The following PITPNM3 variants were observed in gnomAD, a reference collection of about 807,000 sequenced individuals.
PITPNM3 encodes membrane-associated phosphatidylinositol transfer protein 3.
PITPNM3 carries 26 observed loss-of-function variants against 102.0 expected under a neutral mutation model. The ratio of observed to expected loss-of-function variants is 0.25; its 90% confidence interval spans 0.19 to 0.35. The LOEUF (loss-of-function observed/expected upper bound fraction) is 0.35, where lower values mean the gene tolerates loss of function less well. PITPNM3 is among the 10% of genes least tolerant of loss of function. The pLI is 1.00. For synonymous variants in PITPNM3, 578 were observed against 558.6 expected (o/e 1.03, Z -0.49); for missense variants, 1,083 against 1,346.1 (o/e 0.80, Z 3.06).
In PITPNM3 at chr17:6,478,413, T is replaced by G. The variant is rs551682086; in HGVS notation, c.777+134A>C. ...TAAAATGAGGGCTAACTCAGAGATC[T>G]CAAAAGCCACCTTTGGGCTCAGAGG... On this transcript the variant is annotated intron_variant, in intron 7 of 19. Transcript: ENST00000262483. The surrounding 1 kb of genome is among the most constrained non-coding windows in gnomAD (Gnocchi z 4.4). 3.3e-6 allele frequency: 4 copies of G among 1,211,778 alleles called. No individual in the cohort carries two copies. The South Asian group carries it at 5.2e-5, about 16-fold the overall frequency. 75.1% of individuals were successfully genotyped at this position (1,211,778 alleles called of 1,614,324 possible). A position where few individuals can be genotyped will look rare whatever the true frequency, so the allele number is the denominator to read the frequency against.
rs1357125682 is a variant in PITPNM3 at position 6,461,492 on chromosome 17, G to A, written c.2371C>T (p.Arg791Trp). The A allele has an allele frequency of 2.5e-6, 4 of 1,614,094 alleles. No homozygotes were observed. The highest frequency in any genetic ancestry group is 1.3e-5 in the African/African-American group (1 of 74,936). The change falls in exon 18 of 20, where the codon CGG becomes TGG. Residue 791 changes from arginine (R) to tryptophan (W), a missense_variant. By Grantham distance (101) the Arg-to-Trp change is moderately radical. Coordinates refer to ENST00000262483, the MANE Select transcript of PITPNM3 (RefSeq NM_031220.4). ...ITGRPDMQKQ[R>W]VVSWLSQHNF... ...TGCTGGGACAGCCACGACACCACCC[G>A]CTGCTTCTGCATGTCCGGCCGTCCC...
chr17:6,514,847 C>T (rs949960634), intron 3 of PITPNM3, among the ~76,000 whole-genome samples: 5 of 152,214 alleles, frequency 3.3e-5, no homozygotes, highest in Non-Finnish European at 4.4e-5. Context: ...GTAGAAACAA[C>T]TCACATGTCC....
intron 18 of PITPNM3, 138 bp downstream of exon 18, chr17:6,461,235 G>T (rs982327056): frequency 4.7e-6 from 5 of 1,052,782 alleles, no homozygotes; most frequent in Non-Finnish European, 7.1e-6. Flanking sequence ...CTGCTAGAGG[G>T]CCCATCCAGA....
chr17:6,487,362 G>A (rs1216155543), intron 4 of PITPNM3, among the ~76,000 whole-genome samples: 2 of 152,172 alleles, frequency 1.3e-5, no homozygotes, highest in South Asian at 2.1e-4. Context: ...AACACAGGAA[G>A]TGTCACATGG....
chr17:6,492,922 A>C (rs1273449698), intron 4 of PITPNM3, among the ~76,000 whole-genome samples: 1 of 152,044 alleles, frequency 6.6e-6, no homozygotes, highest in Admixed American at 6.5e-5. Context: ...AAAAAAAAAA[A>C]CAATGAACTC....
At position 6,453,155 on chromosome 17, in the gene PITPNM3, TTCTC is replaced by T. The variant is rs1913943709; in HGVS notation, c.*2179_*2182del. On this transcript the variant is annotated 3_prime_UTR_variant, in exon 20 of 20. Transcript: ENST00000262483. ...TCTCTCTCTCTCTCCCTCTCTCTCT[TTCTC>T]TCTCCCTCTCCCTCTCTCGCCTAGC... 6.9e-6 allele frequency: 1 copy of T among 144,640 alleles called. No homozygotes were observed. The highest frequency in any genetic ancestry group is 2.1e-4 in the South Asian group (1 of 4,686). The allele number at this position is 144,640 out of a possible 1,614,324, so 9.0% of individuals were successfully genotyped here.
intron 15 of PITPNM3, 33 bp downstream of exon 15, chr17:6,464,622 G>A: frequency 6.3e-7 from 1 of 1,580,960 alleles, no homozygotes; most frequent in Non-Finnish European, 8.7e-7. Context: ...TGCAGGTGGA[G>A]TGGCTGAGGA....
At position 6,478,464 on chromosome 17, in the gene PITPNM3, G is replaced by A; in HGVS notation, c.777+83C>T. On this transcript the variant is annotated intron_variant, in intron 7 of 19. Transcript: ENST00000262483. This position sits in a 1 kb window ranked among gnomAD's most constrained non-coding sequence, Gnocchi z 4.4. ...CTGATTCGAGAACAGCCTGGCCTTG[G>A]CCCTTTCAGTAGATTCCAGCCTCTC... 6.5e-7 allele frequency: 1 copy of A among 1,535,514 alleles called. No individual in the cohort carries two copies. Among genetic ancestry groups the A allele is most frequent in the Non-Finnish European group, 8.9e-7 (1 of 1,117,632 alleles).
At chr17:6,532,269 C>A (rs1443591653) in intron 2 of PITPNM3, among the ~76,000 whole-genome samples, 1 of 152,120 alleles carries the variant, frequency 6.6e-6, no homozygotes, top group Non-Finnish European at 1.5e-5. Flanking sequence ...AGCAGCCATC[C>A]ACTCTATCAT....
chr17:6,476,859 C>T (rs772167617), intron 9 of PITPNM3, among the ~76,000 whole-genome samples, 170 bp downstream of exon 9: 26 of 152,200 alleles, frequency 1.7e-4, no homozygotes, highest in Non-Finnish European at 3.2e-4. Flanking sequence ...GGGCTGCCGA[C>T]GAGTGGCTGT....
intron 4 of PITPNM3, among the ~76,000 whole-genome samples, chr17:6,499,568 C>T (rs1907044262): frequency 6.6e-6 from 1 of 152,222 alleles, no homozygotes; most frequent in Non-Finnish European, 1.5e-5. Flanking sequence ...GTTCCAGCTT[C>T]CAAGGCACAT....
At chr17:6,520,432 G>A (rs544421835) in intron 3 of PITPNM3, among the ~76,000 whole-genome samples, 7 of 152,288 alleles carry the variant, frequency 4.6e-5, no homozygotes, top group African/African-American at 1.7e-4. Context: ...GAATATTATA[G>A]TACAGGTAAA....
intron 1 of PITPNM3, among the ~76,000 whole-genome samples, chr17:6,540,021 C>T (rs574494268): frequency 1.4e-4 from 21 of 152,286 alleles, no homozygotes; most frequent in Middle Eastern, 3.4e-3. Context: ...CATACATGCA[C>T]GGTTTAGATC....
chr17:6,520,989 A>G (rs58959981), intron 3 of PITPNM3: 21,194 of 152,494 alleles, frequency 0.14, 3,910 homozygotes, highest in African/African-American at 0.43. Flanking sequence ...GGGGAAAGGA[A>G]AATGGGGAGT....
intron 4 of PITPNM3, among the ~76,000 whole-genome samples, chr17:6,485,516 C>A (rs541046856): frequency 1.7e-4 from 26 of 152,082 alleles, no homozygotes; most frequent in Admixed American, 1.4e-3. Context: ...CTCCGCAGAA[C>A]CCTAATATGG....
intron 4 of PITPNM3, among the ~76,000 whole-genome samples, chr17:6,484,662 G>A (rs942429893): frequency 6.6e-5 from 10 of 152,206 alleles, no homozygotes; most frequent in Admixed American, 1.3e-4. Context: ...AAAGCCTCCC[G>A]CTGAGAACAA....
intron 6 of PITPNM3, chr17:6,479,190 C>T: frequency 5.7e-6 from 1 of 176,710 alleles, no homozygotes; most frequent in Admixed American, 5.4e-5. Flanking sequence ...AGAGGACATG[C>T]CAGGCTTGGG....
intron 3 of PITPNM3, among the ~76,000 whole-genome samples, chr17:6,513,498 A>G (rs1907985604): frequency 6.6e-6 from 1 of 152,254 alleles, no homozygotes; most frequent in African/African-American, 2.4e-5. Context: ...ATTTCAACAC[A>G]CTTGCAATAA....
Position 6,500,129 on chromosome 17 carries a change from G to A in PITPNM3, c.274+3398C>T, listed in dbSNP as rs553224285. Among the ~76,000 whole-genome samples, 15 of 152,294 alleles carry A rather than the reference G, an allele frequency of 9.8e-5. No individual in the cohort carries two copies. The East Asian group carries it at 2.7e-3, about 27-fold the overall frequency. Reference sequence around the variant, plus strand: ...ACAGCTACTAGACGAGAGAAGCTGAGTGTCAAACCCAGGCCTTTCCAAACC... The same window carrying A: ...ACAGCTACTAGACGAGAGAAGCTGAATGTCAAACCCAGGCCTTTCCAAACC... On this transcript the variant is annotated intron_variant, in intron 4 of 19. Coordinates refer to ENST00000262483, the MANE Select transcript of PITPNM3 (RefSeq NM_031220.4).
Sources: allele counts gnomAD v4.1 joint callset (sites outside exome capture counted in the v4.1 genomes callset), GRCh38; gene constraint gnomAD v4.1.1; non-coding constraint Gnocchi (gnomAD v3.1); transcripts MANE v1.5; gene names NCBI Gene and HGNC (gene_info 2026-07-23, HGNC 2026-07-21).